KY: variants seen among roughly 807,000 people sequenced by gnomAD.
KY encodes the protein kyphoscoliosis peptidase.
Under a neutral mutation model 76.1 loss-of-function variants are expected in KY, and 43 were observed. The ratio of observed to expected loss-of-function variants is 0.57; its 90% CI spans 0.44 to 0.73. The LOEUF is 0.73. Among genes scored for constraint, KY ranks in the 30% least tolerant of loss-of-function variants. KY has a pLI of 0.00. For missense variants in KY, 722 were observed against 828.9 expected (o/e 0.87, Z 1.58); for synonymous variants, 277 against 326.2 (o/e 0.85, Z 1.63).
At chr3:134,629,985 T>C (rs1451116493) in intron 3 of KY, among the ~76,000 whole-genome samples, 1 of 152,168 alleles carries the variant, frequency 6.6e-6, no homozygotes, top group East Asian at 1.9e-4. Flanking sequence ...GCAAAGTAAA[T>C]AATAGAATAA....
At chr3:134,609,040 A>G (rs1490858452) in intron 9 of KY, among the ~76,000 whole-genome samples, 1 of 152,164 alleles carries the variant, frequency 6.6e-6, no homozygotes, top group Admixed American at 6.5e-5. Context: ...CTTCTAAGGG[A>G]AGGCCACAGC....
rs1959065437 is a variant in KY at position 134,603,643 on chromosome 3, A to G, written c.1922T>C (p.Val641Ala). 6.2e-7 allele frequency: 1 copy of G among 1,612,238 alleles called. No individual in the cohort carries two copies. Among genetic ancestry groups the G allele is most frequent in the Admixed American group, 1.7e-5 (1 of 59,740 alleles). ...GAAATTGTGGTTGGCATTCTCCAGC[A>G]CCATGACATAGACTTCCTGGCAGCC... Reference protein sequence around the residue: ...TAGCQEVYVMVLENANHNFYS... With the variant: ...TAGCQEVYVMALENANHNFYS... The change falls in exon 11 of 11, where the codon GTG (valine) becomes GCG (alanine). Residue 641 changes from valine to alanine, a missense_variant. Physicochemically the swap from Val to Ala is moderately conservative, Grantham distance 64 (BLOSUM62 0). This residue lies in a region of KY where 552 missense variants were observed against 680.9 expected (regional missense o/e 0.81). Coordinates refer to ENST00000423778, the MANE Select transcript of KY (RefSeq NM_178554.6).
chr3:134,628,621 T>C (rs1258631272), intron 4 of KY, among the ~76,000 whole-genome samples: 2 of 152,206 alleles, frequency 1.3e-5, no homozygotes, highest in Non-Finnish European at 2.9e-5. Flanking sequence ...CCACCTACCT[T>C]TTTGATAGAA....
chr3:134,627,837 C>G lies in KY; in HGVS notation c.338-19G>C. 6.2e-7 allele frequency: 1 copy of G among 1,600,268 alleles called. No homozygotes were observed. The highest frequency in any genetic ancestry group is 8.6e-7 in the Non-Finnish European group (1 of 1,167,730). On this transcript the variant is annotated intron_variant, in intron 4 of 10. Transcript: ENST00000423778. Reference sequence around the variant, plus strand: ...TGTAAACCTACAATATTCCAAAGATCAGAAGTATAGATACTTCAGAAGAAA... The same window carrying G: ...TGTAAACCTACAATATTCCAAAGATGAGAAGTATAGATACTTCAGAAGAAA...
chr3:134,618,434 T>A (rs77495257), intron 8 of KY, among the ~76,000 whole-genome samples: 3,684 of 152,230 alleles, frequency 0.024, 67 homozygotes, highest in South Asian at 0.054. Context: ...GGGGAGGGGT[T>A]CTTTGATGGC....
intron 3 of KY, among the ~76,000 whole-genome samples, chr3:134,634,025 G>GT (rs1964588554): frequency 1.3e-5 from 2 of 152,224 alleles, no homozygotes; most frequent in African/African-American, 4.8e-5. Context: ...TAAAATGTTA[G>GT]TTATAAATCT....
intron 1 of KY, among the ~76,000 whole-genome samples, chr3:134,649,154 C>A (rs1966783935): frequency 6.6e-6 from 1 of 152,190 alleles, no homozygotes; most frequent in Non-Finnish European, 1.5e-5. Flanking sequence ...TCATTCATAG[C>A]ATCGGTGAGA....
intron 1 of KY, 88 bp from the exon 2 acceptor site, chr3:134,647,585 C>T: frequency 1.3e-6 from 1 of 749,542 alleles, no homozygotes. Context: ...TATGGTAGAG[C>T]AGGTGGATCT....
At chr3:134,629,880 G>T (rs576317521) in intron 3 of KY, among the ~76,000 whole-genome samples, 185 bp from the exon 4 acceptor site, 1 of 152,100 alleles carries the variant, frequency 6.6e-6, no homozygotes, top group Non-Finnish European at 1.5e-5. Context: ...CCAGATTCAG[G>T]CAAGATGGAG....
At chr3:134,614,042 T>C (rs1961040497) in intron 8 of KY, among the ~76,000 whole-genome samples, 1 of 152,232 alleles carries the variant, frequency 6.6e-6, no homozygotes, top group Admixed American at 6.5e-5. Flanking sequence ...GCTCAGTGGC[T>C]GCCCTAGATG....
intron 10 of KY, chr3:134,607,100 A>T (rs2107750865): frequency 1.0e-6 from 1 of 985,426 alleles, no homozygotes; most frequent in Admixed American, 6.1e-5. Flanking sequence ...CCACTCAATG[A>T]CATCAGTTTG....
Position 134,602,566 on chromosome 3 carries a change from C to G in KY, c.*1013G>C, listed in dbSNP as rs1178645683. Among the ~76,000 whole-genome samples the G allele has an allele frequency of 6.6e-6, 1 of 152,170 alleles. No homozygotes were observed. The highest frequency in any genetic ancestry group is 1.9e-4 in the East Asian group (1 of 5,168). ...GGCAGAGCCCTGTTAAAGTGTGAGT[C>G]TCCTCGGCATTGCCGCACTGCACTA... On this transcript the variant is annotated 3_prime_UTR_variant, in exon 11 of 11. Coordinates refer to ENST00000423778, the MANE Select transcript of KY (RefSeq NM_178554.6).
Position 134,607,754 on chromosome 3 carries a change from A to G in KY, c.1090+895T>C, listed in dbSNP as rs548948945. The G allele has an allele frequency of 4.1e-6, 4 of 986,026 alleles. No homozygotes were observed. The South Asian group carries it at 1.9e-4, about 46-fold the overall frequency. The allele number at this position is 986,026 out of a possible 1,614,324, so 61.1% of individuals were successfully genotyped here. ...GCTCCGTGGTGAAGGTTGGGAGAGC[A>G]CATGTCAGCCCAGGCCAGCCATGGG... On this transcript the variant is annotated intron_variant, in intron 10 of 10. Coordinates refer to ENST00000423778, the MANE Select transcript of KY (RefSeq NM_178554.6).
chr3:134,628,495 A>T (rs1487543359), intron 4 of KY, among the ~76,000 whole-genome samples: 1 of 152,230 alleles, frequency 6.6e-6, no homozygotes, highest in Non-Finnish European at 1.5e-5. Context: ...CCTGAAGGCC[A>T]CTTTAGGCTA....
chr3:134,632,198 T>C (rs1388237536), intron 3 of KY, among the ~76,000 whole-genome samples: 3 of 152,052 alleles, frequency 2.0e-5, no homozygotes, highest in South Asian at 2.1e-4. Context: ...CTTTCAGTCA[T>C]TGAGAGAATT....
intron 6 of KY, among the ~76,000 whole-genome samples, chr3:134,621,956 A>T (rs1305357939): frequency 2.0e-5 from 3 of 152,022 alleles, no homozygotes; most frequent in Non-Finnish European, 4.4e-5. Flanking sequence ...ATAAGCACAT[A>T]AAAAAAAGCT....
Position 134,640,111 on chromosome 3 carries a change from T to C in KY, c.262+3205A>G, listed in dbSNP as rs79593329. ...GATTCCAATGTTCCTTTGCCACCTG[T>C]TGCATAAAGTCTACCATTGAAAGAG... is the stretch of plus-strand genomic sequence containing the variant. On this transcript the variant is annotated intron_variant, in intron 3 of 10. Coordinates refer to ENST00000423778, the MANE Select transcript of KY (RefSeq NM_178554.6). 2.6e-5 allele frequency among the ~76,000 whole-genome samples: 4 copies of C among 152,192 alleles called. No homozygotes were observed. In the East Asian group the frequency reaches 5.8e-4, roughly 22 times the overall value.
At chr3:134,632,170 C>G (rs4645168) in intron 3 of KY, among the ~76,000 whole-genome samples, 148,467 of 152,198 alleles carry the variant, frequency 0.98, 72,519 homozygotes, top group East Asian at 1. Flanking sequence ...AATTATAGTT[C>G]GAGATTTTAA....
chr3:134,632,396 G>A (rs1456078474), intron 3 of KY, among the ~76,000 whole-genome samples: 1 of 151,900 alleles, frequency 6.6e-6, no homozygotes, highest in Non-Finnish European at 1.5e-5. Flanking sequence ...GAAGAGAACT[G>A]AAATCATACA....
Sources: allele counts gnomAD v4.1 joint callset (sites outside exome capture counted in the v4.1 genomes callset), GRCh38; gene constraint gnomAD v4.1.1; regional missense constraint gnomAD v4.1.1; transcripts MANE v1.5; gene names NCBI Gene and HGNC (gene_info 2026-07-23, HGNC 2026-07-21).